Variants in ZFHX3 observed in about 807,000 individuals in gnomAD.
ZFHX3 encodes the protein zinc finger homeobox 3.
Under a neutral mutation model 279.1 loss-of-function variants are expected in ZFHX3, and 42 were observed. The ratio of observed to expected loss-of-function variants is 0.15; its 90% CI spans 0.12 to 0.19. ZFHX3 has a LOEUF of 0.19. Ranked by LOEUF, ZFHX3 falls within the 10% of genes least tolerant of loss-of-function variation. The probability of loss-of-function intolerance (pLI) is 1.00; values close to 1 mark genes in which losing one functional copy is unlikely to be tolerated. For synonymous variants in ZFHX3, 2,293 were observed against 1,957.8 expected, an observed-to-expected ratio of 1.17 and a Z score of -4.52; for missense variants, 4,981 against 4,754.0, an observed-to-expected ratio of 1.05 and a Z score of -1.40.
chr16:73,426,828 G>A (rs747329004), intron 3 of ZFHX3, among the ~76,000 whole-genome samples: 1 of 152,204 alleles, frequency 6.6e-6, no homozygotes, highest in Non-Finnish European at 1.5e-5. Flanking sequence ...GAAAGTGCCA[G>A]AATCTGCTGT....
At chr16:73,322,749 C>A (rs2015602529) in intron 3 of ZFHX3, among the ~76,000 whole-genome samples, 2 of 152,128 alleles carry the variant, frequency 1.3e-5, no homozygotes, top group South Asian at 4.1e-4. Flanking sequence ...TTACTGAACG[C>A]CCACTAATGT....
intron 2 of ZFHX3, among the ~76,000 whole-genome samples, chr16:73,538,783 G>A (rs530117151): frequency 1.4e-4 from 22 of 152,264 alleles, no homozygotes; most frequent in Admixed American, 6.5e-4. Context: ...ATAGATCTGC[G>A]CTCCTTAGTC....
chr16:73,596,188 A>AT (rs2052048365), intron 2 of ZFHX3, among the ~76,000 whole-genome samples: 1 of 151,542 alleles, frequency 6.6e-6, no homozygotes, highest in South Asian at 2.1e-4. Context: ...CGCCCGGCTA[A>AT]TTTTTCGTAT....
chr16:72,790,264 A>G (rs2035643464), intron 9 of ZFHX3: 1 of 152,652 alleles, frequency 6.6e-6, no homozygotes. Context: ...TGAGAAAACA[A>G]AGAGGAGGAT....
At chr16:72,853,032 T>C (rs150364236) in intron 4 of ZFHX3, among the ~76,000 whole-genome samples, 9 of 152,328 alleles carry the variant, frequency 5.9e-5, no homozygotes, top group East Asian at 5.8e-4. Context: ...AGCTTTCTCA[T>C]TGAACCATCA....
chr16:73,605,419 C>T (rs553200056), intron 2 of ZFHX3, among the ~76,000 whole-genome samples: 3 of 152,280 alleles, frequency 2.0e-5, no homozygotes, highest in African/African-American at 4.8e-5. Flanking sequence ...CAGATCCTAA[C>T]GTTAAATCAG....
intron 1 of ZFHX3, among the ~76,000 whole-genome samples, chr16:73,017,487 A>G (rs954863597): frequency 1.3e-5 from 2 of 152,042 alleles, no homozygotes; most frequent in African/African-American, 4.8e-5. Context: ...CAAGTCATGA[A>G]AACTCTGCCA....
intron 2 of ZFHX3, among the ~76,000 whole-genome samples, chr16:73,652,985 C>T (rs562781648): frequency 6.4e-4 from 97 of 152,014 alleles, no homozygotes; most frequent in Non-Finnish European, 1.2e-3. Flanking sequence ...TTATAAAAGA[C>T]ATATCTACAA....
Position 73,784,816 on chromosome 16 carries a change from T to TATACAC in ZFHX3, c.-1607-104577_-1607-104576insGTGTAT, listed in dbSNP as rs1555501460. Among the ~76,000 whole-genome samples the TATACAC allele has an allele frequency of 2.8e-3, 379 of 135,456 alleles. 1 individual carries two copies. Among genetic ancestry groups the TATACAC allele is most frequent in the South Asian group, 4.6e-3 (20 of 4,356 alleles). The allele number at this position is 135,456 out of a possible 152,430, so 88.9% of individuals were successfully genotyped here. ...AAAAAAATATATATATATATATATATACACACACACACACACACACATATA... is the reference window on the plus strand; with the variant it reads ...AAAAAAATATATATATATATATATATATACACACACACACACACACACACACATATA... On this transcript the variant is annotated intron_variant, in intron 1 of 17. Transcript: ENST00000641206.
At position 73,620,912 on chromosome 16, in the gene ZFHX3, G is replaced by A. The variant is rs142733466; in HGVS notation, c.-1547+59268C>T. Among the ~76,000 whole-genome samples the A allele has an allele frequency of 7.6e-3, 1,160 of 152,320 alleles. 5 individuals carry two copies. Among genetic ancestry groups the A allele is most frequent in the Middle Eastern group, 0.017 (5 of 294 alleles). On this transcript the variant is annotated intron_variant, in intron 2 of 17. Transcript: ENST00000641206. ...TGAGAGAAAAGGACCAGATCTTTGG[G>A]TGAGACACAGCTTGGTGGGAATCCC... is the stretch of plus-strand genomic sequence containing the variant.
At chr16:73,309,240 T>A (rs556722123) in intron 4 of ZFHX3, among the ~76,000 whole-genome samples, 1 of 152,138 alleles carries the variant, frequency 6.6e-6, no homozygotes, top group East Asian at 1.9e-4. Flanking sequence ...CACCCTCCAC[T>A]CTCAGGTAGC....
intron 3 of ZFHX3, among the ~76,000 whole-genome samples, chr16:73,445,249 T>C (rs1366621073): frequency 1.3e-5 from 2 of 149,582 alleles, no homozygotes; most frequent in Non-Finnish European, 3.0e-5. Flanking sequence ...TATACATATG[T>C]GTATATGTGT....
chr16:73,441,578 C>A (rs1286130648), intron 3 of ZFHX3, among the ~76,000 whole-genome samples: 1 of 152,154 alleles, frequency 6.6e-6, no homozygotes, highest in Non-Finnish European at 1.5e-5. Context: ...CACAAGCAAA[C>A]TCCAAGCCAG....
At chr16:73,887,253 C>A (rs2030376758) in intron 1 of ZFHX3, among the ~76,000 whole-genome samples, 1 of 152,152 alleles carries the variant, frequency 6.6e-6, no homozygotes, top group Admixed American at 6.5e-5. Context: ...TTTGAACTCC[C>A]AGGCCTCGAG....
intron 4 of ZFHX3, among the ~76,000 whole-genome samples, chr16:73,264,999 A>G (rs1451448021): frequency 1.4e-5 from 2 of 143,078 alleles, no homozygotes; most frequent in East Asian, 2.2e-4. Context: ...TTATATATAT[A>G]TATAGCACCT....
rs1016565358 is a variant in ZFHX3 at position 72,893,763 on chromosome 16, A to T, written c.3217-3801T>A. 1.2e-4 allele frequency among the ~76,000 whole-genome samples: 19 copies of T among 152,328 alleles called. 1 individual carries two copies. The highest frequency in any genetic ancestry group is 3.4e-3 in the Middle Eastern group (1 of 294). ...TCCCACCTAACCTGGTCCAGTGAAC[A>T]CCTAGGGTTCTCTCCTAGAAAATTC... On this transcript the variant is annotated intron_variant, in intron 3 of 9. Transcript: ENST00000268489.
chr16:73,450,678 C>T lies in ZFHX3; in HGVS notation c.-1291+5325G>A, dbSNP rs944094542. Among the ~76,000 whole-genome samples, 11 of 152,140 alleles carry T rather than the reference C, an allele frequency of 7.2e-5. No homozygotes were observed. In the South Asian group the frequency reaches 1.0e-3, roughly 14 times the overall value. ...CTTGATGCTGCCAGATCCCTAACTC[C>T]GAATCTTTCATATTTTAATCCTCAA... On this transcript the variant is annotated intron_variant, in intron 3 of 17. Transcript: ENST00000641206.
chr16:73,602,978 C>T (rs1420724175), intron 2 of ZFHX3, among the ~76,000 whole-genome samples: 3 of 147,492 alleles, frequency 2.0e-5, no homozygotes, highest in African/African-American at 7.5e-5. Flanking sequence ...TTAAGATATC[C>T]TGCAAGTCAA....
chr16:73,095,054 TCCTGAAAA>T (rs1324093051), intron 7 of ZFHX3, among the ~76,000 whole-genome samples: 2 of 151,920 alleles, frequency 1.3e-5, no homozygotes. Context: ...GAGTTAAAAA[TCCTGAAAA>T]CCAGCTTCTG....
Sources: allele counts gnomAD v4.1 joint callset (sites outside exome capture counted in the v4.1 genomes callset), GRCh38; gene constraint gnomAD v4.1.1; transcripts MANE v1.5; gene names NCBI Gene and HGNC (gene_info 2026-07-23, HGNC 2026-07-21).